RYK: variants seen among roughly 807,000 people sequenced by gnomAD.
The protein encoded by RYK is receptor like tyrosine kinase, also known as inactive tyrosine-protein kinase RYK.
RYK carries 21 observed loss-of-function variants against 70.2 expected under a neutral mutation model. The ratio of observed to expected loss-of-function variants is 0.30; its 90% CI spans 0.21 to 0.43. The LOEUF is 0.43. RYK is among the 20% of genes least tolerant of loss of function. RYK has a pLI of 1.00. For missense variants in RYK, 604 were observed against 753.3 expected (o/e 0.80, Z 2.32); for synonymous variants, 267 against 278.0 (o/e 0.96, Z 0.39).
intron 5 of RYK, among the ~76,000 whole-genome samples, chr3:134,206,011 G>T (rs915919538): frequency 6.6e-6 from 1 of 152,178 alleles, no homozygotes; most frequent in Admixed American, 6.5e-5. Context: ...ACTGCTCTTT[G>T]TGAGAAGTAA....
At chr3:134,198,593 C>T (rs1473529516) in intron 6 of RYK, among the ~76,000 whole-genome samples, 1 of 152,180 alleles carries the variant, frequency 6.6e-6, no homozygotes, top group Non-Finnish European at 1.5e-5. Flanking sequence ...CACAATAAGC[C>T]GCAAGTGGGC....
intron 1 of RYK, among the ~76,000 whole-genome samples, chr3:134,241,107 G>T (rs1382356685): frequency 2.5e-5 from 3 of 117,790 alleles, no homozygotes; most frequent in Non-Finnish European, 5.9e-5. Context: ...TGGTGGGGGA[G>T]GGAAATCACT....
In RYK at chr3:134,157,993, T is replaced by C. The variant is rs1298640630; in HGVS notation, c.*160A>G. On this transcript the variant is annotated 3_prime_UTR_variant, in exon 15 of 15. Coordinates refer to ENST00000623711, the MANE Select transcript of RYK (RefSeq NM_002958.4). ...AGAAAATATGCCACATTATTAAGTC[T>C]GTCTTAAAAAGTTCAGATTCTAAAG... The C allele has an allele frequency of 2.5e-6, 1 of 402,918 alleles. No individual in the cohort carries two copies. The highest frequency in any genetic ancestry group is 4.4e-6 in the Non-Finnish European group (1 of 228,528). 25.0% of individuals were successfully genotyped at this position (402,918 alleles called of 1,614,324 possible). A position where few individuals can be genotyped will look rare whatever the true frequency, so the allele number is the denominator to read the frequency against.
At chr3:134,188,988 C>G in intron 8 of RYK, 65 bp from the exon 9 acceptor site, 1 of 939,998 alleles carries the variant, frequency 1.1e-6, no homozygotes, top group Non-Finnish European at 1.6e-6. Flanking sequence ...ACAAAACTTT[C>G]TGGCACAATA....
intron 10 of RYK, chr3:134,180,631 A>AT (rs1373168787): frequency 6.6e-6 from 1 of 152,264 alleles, no homozygotes; most frequent in African/African-American, 2.4e-5. Flanking sequence ...AAACAAATAC[A>AT]TAAGTATAGC....
At position 134,204,591 on chromosome 3, in the gene RYK, C is replaced by CCACAGCCACACACACACA. The variant is rs58130864; in HGVS notation, c.644-1718_644-1717insTGTGTGTGTGTGGCTGTG. Among the ~76,000 whole-genome samples, 445 of 140,766 alleles carry CCACAGCCACACACACACA rather than the reference C, an allele frequency of 3.2e-3. 3 individuals carry two copies. The highest frequency in any genetic ancestry group is 8.7e-3 in the East Asian group (41 of 4,704). 92.3% of individuals were successfully genotyped at this position (140,766 alleles called of 152,430 possible). On this transcript the variant is annotated intron_variant, in intron 5 of 14. Transcript: ENST00000623711. ...AAATAACCCAATGACACAGCCACAG[C>CCACAGCCACACACACACA]CACACACACACACACACACACACAC...
intron 6 of RYK, among the ~76,000 whole-genome samples, chr3:134,201,140 C>T (rs1018273238): frequency 5.9e-5 from 9 of 152,232 alleles, no homozygotes; most frequent in Admixed American, 2.0e-4. Flanking sequence ...TTCCCTCAAT[C>T]GCTTCCAAAT....
At chr3:134,201,915 T>C (rs1265082638) in intron 6 of RYK, among the ~76,000 whole-genome samples, 1 of 152,196 alleles carries the variant, frequency 6.6e-6, no homozygotes, top group African/African-American at 2.4e-5. Flanking sequence ...AAAATAAACC[T>C]ATCATTCCAT....
In RYK at chr3:134,203,575, AAAG is replaced by A. The variant is rs2014097572; in HGVS notation, c.644-704_644-702del. Among the ~76,000 whole-genome samples the A allele has an allele frequency of 3.3e-5, 5 of 152,252 alleles. No individual in the cohort carries two copies. In the South Asian group the frequency reaches 1.0e-3, roughly 32 times the overall value. On this transcript the variant is annotated intron_variant, in intron 5 of 14. Transcript: ENST00000623711. The stretch of plus-strand genomic sequence containing the variant: ...ATGGATTGTACCAAAGTAGAAAGAA[AAAG>A]AAGAATGAAAAGTTTTGGCTTAAGC...
At chr3:134,160,804 G>A (rs1427867637) in intron 13 of RYK, among the ~76,000 whole-genome samples, 4 of 152,134 alleles carry the variant, frequency 2.6e-5, no homozygotes, top group South Asian at 2.1e-4. Flanking sequence ...GCGGTGAGCC[G>A]AGATCGCGCC....
intron 2 of RYK, among the ~76,000 whole-genome samples, chr3:134,212,226 G>C (rs1384716220): frequency 1.3e-5 from 2 of 152,186 alleles, no homozygotes; most frequent in Non-Finnish European, 2.9e-5. Flanking sequence ...CCCATGAGAT[G>C]TCTCTAAAAC....
At chr3:134,249,162 A>T (rs2015543775) in intron 1 of RYK, among the ~76,000 whole-genome samples, 1 of 152,226 alleles carries the variant, frequency 6.6e-6, no homozygotes, top group Non-Finnish European at 1.5e-5. Flanking sequence ...TCCAAGTACT[A>T]CCCCAAGTAG....
At chr3:134,163,427 A>G (rs1399552065) in intron 13 of RYK, among the ~76,000 whole-genome samples, 1 of 152,206 alleles carries the variant, frequency 6.6e-6, no homozygotes, top group Non-Finnish European at 1.5e-5. Context: ...GAGTTTTACG[A>G]AAGATTGTGG....
intron 1 of RYK, among the ~76,000 whole-genome samples, chr3:134,230,415 C>A (rs1410679680): frequency 1.3e-5 from 2 of 152,140 alleles, no homozygotes; most frequent in Admixed American, 6.6e-5. Context: ...ATAGCCAAAA[C>A]TGGAAACAAC....
chr3:134,201,961 C>T (rs1479746408), intron 6 of RYK, among the ~76,000 whole-genome samples: 1 of 152,142 alleles, frequency 6.6e-6, no homozygotes, highest in Non-Finnish European at 1.5e-5. Context: ...ATAATGTCCT[C>T]CTTGTCATCT....
At chr3:134,210,659 T>G (rs895221263) in intron 3 of RYK, among the ~76,000 whole-genome samples, 1 of 152,196 alleles carries the variant, frequency 6.6e-6, no homozygotes, top group East Asian at 1.9e-4. Context: ...ATACCACAAC[T>G]TCAAGAGCCT....
intron 9 of RYK, among the ~76,000 whole-genome samples, chr3:134,188,521 T>C (rs757785193): frequency 1.9e-4 from 29 of 152,178 alleles, no homozygotes; most frequent in Non-Finnish European, 3.4e-4. Context: ...TGGCTATACC[T>C]GCAAAAGTAT....
At chr3:134,243,354 C>A (rs2015373453) in intron 1 of RYK, among the ~76,000 whole-genome samples, 1 of 152,194 alleles carries the variant, frequency 6.6e-6, no homozygotes, top group African/African-American at 2.4e-5. Context: ...CTCTTATCAT[C>A]ACAAGGTTGG....
At chr3:134,213,899 G>A (rs917178411) in intron 2 of RYK, among the ~76,000 whole-genome samples, 2 of 152,104 alleles carry the variant, frequency 1.3e-5, no homozygotes, top group African/African-American at 4.8e-5. Context: ...CACCTCCTGG[G>A]TTCAAGCGAT....
Sources: gnomAD v4.1 joint callset for allele counts (sites outside exome capture counted in the v4.1 genomes callset) on GRCh38, gnomAD v4.1.1 for gene constraint, MANE v1.5 for transcripts, NCBI Gene and HGNC (gene_info 2026-07-23, HGNC 2026-07-21) for gene names.